The following MAML2 variants were observed in gnomAD, a reference collection of about 807,000 sequenced individuals.
The protein encoded by MAML2 is mastermind-like protein 2.
MAML2 carries 22 observed loss-of-function variants against 96.1 expected under a neutral mutation model. That is an observed-to-expected ratio of 0.23 (90% CI 0.16 to 0.33). MAML2 has a LOEUF of 0.33. MAML2 is among the 10% of genes least tolerant of loss of function. The probability of loss-of-function intolerance (pLI) is 1.00; values close to 1 mark genes in which losing one functional copy is unlikely to be tolerated. For missense variants in MAML2, 1,367 were observed against 1,392.4 expected, an observed-to-expected ratio of 0.98 and a Z score of 0.29; for synonymous variants, 561 against 521.3, an observed-to-expected ratio of 1.08 and a Z score of -1.04.
In MAML2 at chr11:95,979,194, G is replaced by A; in HGVS notation, c.3225C>T (p.Gly1075=). The A allele has an allele frequency of 6.2e-7, 1 of 1,613,976 alleles. No individual in the cohort carries two copies. The highest frequency in any genetic ancestry group is 8.5e-7 in the Non-Finnish European group (1 of 1,179,874). ...SGTGLNQSRT[G]INQPPSLTPS... ...GCGTCAGGGATGGTGGCTGGTTGAT[G>A]CCCGTCCTCGACTGATTCAACCCTG... The change falls in exon 5 of 5, where the codon GGC becomes GGT. Residue 1075 remains glycine (G), a synonymous_variant. Transcript: ENST00000524717.
At chr11:96,178,342 C>T (rs1159837233) in intron 1 of MAML2, among the ~76,000 whole-genome samples, 7 of 152,056 alleles carry the variant, frequency 4.6e-5, no homozygotes, top group East Asian at 1.9e-4. Flanking sequence ...AGAGAGCAGG[C>T]GCACAGCATC....
At chr11:96,172,091 T>C (rs539045051) in intron 1 of MAML2, among the ~76,000 whole-genome samples, 2 of 152,362 alleles carry the variant, frequency 1.3e-5, no homozygotes, top group East Asian at 1.9e-4. Flanking sequence ...CTGATAAATA[T>C]GGCTGGAATT....
intron 2 of MAML2, among the ~76,000 whole-genome samples, chr11:96,057,959 T>C (rs1249252605): frequency 6.6e-6 from 1 of 152,218 alleles, no homozygotes; most frequent in African/African-American, 2.4e-5. Flanking sequence ...CTGCAAGTTG[T>C]GCTTCCTTCC....
chr11:96,021,551 C>A, intron 2 of MAML2, among the ~76,000 whole-genome samples: 1 of 152,132 alleles, frequency 6.6e-6, no homozygotes, highest in Non-Finnish European at 1.5e-5. Flanking sequence ...GAGTTGTGAG[C>A]TGAAGTAATG....
chr11:96,340,895 T>G (rs954638488), intron 1 of MAML2, among the ~76,000 whole-genome samples: 3 of 152,172 alleles, frequency 2.0e-5, no homozygotes, highest in Non-Finnish European at 4.4e-5. Flanking sequence ...TATGTTCTCT[T>G]AAGCGAAGAA....
intron 1 of MAML2, among the ~76,000 whole-genome samples, chr11:96,217,027 G>C (rs777579286): frequency 6.6e-6 from 1 of 152,200 alleles, no homozygotes; most frequent in African/African-American, 2.4e-5. Context: ...GGGAGTGTGA[G>C]AGCAGGATGG....
At chr11:96,331,236 C>A (rs1214292082) in intron 1 of MAML2, among the ~76,000 whole-genome samples, 1 of 152,172 alleles carries the variant, frequency 6.6e-6, no homozygotes, top group South Asian at 2.1e-4. Flanking sequence ...TGCCACTGCA[C>A]TCCAGCCTGG....
intron 2 of MAML2, among the ~76,000 whole-genome samples, chr11:96,088,916 G>A (rs1419878067): frequency 6.6e-6 from 1 of 152,018 alleles, no homozygotes; most frequent in Non-Finnish European, 1.5e-5. Context: ...ATATCTATGA[G>A]GTGAACTGCA....
At chr11:96,109,077 C>G (rs1262736572) in intron 1 of MAML2, among the ~76,000 whole-genome samples, 1 of 151,804 alleles carries the variant, frequency 6.6e-6, no homozygotes, top group Non-Finnish European at 1.5e-5. Context: ...GTAATTGAAC[C>G]AGATTTTCCT....
chr11:96,229,966 T>C (rs904535703), intron 1 of MAML2, among the ~76,000 whole-genome samples: 2 of 152,210 alleles, frequency 1.3e-5, no homozygotes, highest in Non-Finnish European at 2.9e-5. Flanking sequence ...CTATGTTTGG[T>C]ATGCAAATAT....
chr11:96,132,978 C>T (rs1474376032), intron 1 of MAML2, among the ~76,000 whole-genome samples: 1 of 152,112 alleles, frequency 6.6e-6, no homozygotes. Context: ...CTTATGGATA[C>T]AATATTAGAG....
intron 1 of MAML2, among the ~76,000 whole-genome samples, chr11:96,110,540 G>T (rs530737897): frequency 1.3e-5 from 2 of 152,276 alleles, no homozygotes; most frequent in Admixed American, 1.3e-4. Context: ...TAAACAGGTT[G>T]TATGTAATAG....
chr11:95,985,706 G>A (rs1857814623), intron 3 of MAML2, 64 bp from the exon 4 acceptor site: 3 of 1,012,750 alleles, frequency 3.0e-6, no homozygotes, highest in Non-Finnish European at 4.4e-6. Context: ...GAAAATACAT[G>A]TAAAATTTTG....
intron 2 of MAML2, among the ~76,000 whole-genome samples, chr11:96,007,158 A>G (rs961155714): frequency 6.9e-6 from 1 of 145,908 alleles, no homozygotes; most frequent in South Asian, 2.2e-4. Flanking sequence ...GCGTACCACC[A>G]TGTCCAGTTA....
At chr11:96,285,402 G>A (rs1863124851) in intron 1 of MAML2, among the ~76,000 whole-genome samples, 1 of 152,080 alleles carries the variant, frequency 6.6e-6, no homozygotes, top group Non-Finnish European at 1.5e-5. Flanking sequence ...TACCATTCAG[G>A]ATATAGGTGC....
At chr11:96,155,528 A>C (rs1343445776) in intron 1 of MAML2, among the ~76,000 whole-genome samples, 1 of 66,896 alleles carries the variant, frequency 1.5e-5, no homozygotes, top group Non-Finnish European at 3.5e-5. Flanking sequence ...ATATATATAT[A>C]TATATATATA....
chr11:96,038,536 G>A (rs150633013), intron 2 of MAML2, among the ~76,000 whole-genome samples: 302 of 152,294 alleles, frequency 2.0e-3, no homozygotes, highest in African/African-American at 6.6e-3. Context: ...CAATGTGCTA[G>A]GCACTTAAGC....
chr11:96,216,540 C>T (rs988997251), intron 1 of MAML2, among the ~76,000 whole-genome samples: 2 of 152,136 alleles, frequency 1.3e-5, no homozygotes, highest in Non-Finnish European at 2.9e-5. Context: ...ATGGGTATGT[C>T]TGGTCCTGGT....
chr11:96,032,942 T>C (rs1342105402), intron 2 of MAML2, among the ~76,000 whole-genome samples: 1 of 152,176 alleles, frequency 6.6e-6, no homozygotes, highest in African/African-American at 2.4e-5. Context: ...ATTCTATTAA[T>C]AGATTGTGGT....
Sources: allele counts gnomAD v4.1 joint callset (sites outside exome capture counted in the v4.1 genomes callset), GRCh38; gene constraint gnomAD v4.1.1; transcripts MANE v1.5; gene names NCBI Gene and HGNC (gene_info 2026-07-23, HGNC 2026-07-21).